The following ELP2 variants were observed in gnomAD, a reference collection of about 807,000 sequenced individuals.
ELP2 encodes the protein elongator complex protein 2.
ELP2 carries 90 observed loss-of-function variants against 119.2 expected under a neutral mutation model. The ratio of observed to expected loss-of-function variants is 0.75; its 90% confidence interval spans 0.64 to 0.90. ELP2 has a LOEUF of 0.90. Ranked by LOEUF, ELP2 falls within the 40% of genes least tolerant of loss-of-function variation. The probability of loss-of-function intolerance (pLI) is 0.00; values close to 1 mark genes in which losing one functional copy is unlikely to be tolerated. For synonymous variants in ELP2, 339 were observed against 331.0 expected, an observed-to-expected ratio of 1.02 and a Z score of -0.26; for missense variants, 921 against 967.8, an observed-to-expected ratio of 0.95 and a Z score of 0.64.
chr18:36,131,736 T>C (rs2089637811), intron 1 of ELP2, among the ~76,000 whole-genome samples: 1 of 152,220 alleles, frequency 6.6e-6, no homozygotes. Context: ...TTTGATGTAC[T>C]TAACACACTG....
intron 8 of ELP2, among the ~76,000 whole-genome samples, chr18:36,143,374 G>A (rs994223922): frequency 2.0e-5 from 3 of 150,392 alleles, no homozygotes; most frequent in East Asian, 1.9e-4. Context: ...TGCCCGCCTC[G>A]GCCTCCCAAA....
At position 36,144,994 on chromosome 18, in the gene ELP2, C is replaced by A. The variant is rs2090152294; in HGVS notation, c.852C>A (p.Asn284Lys). ...AGACAGTGCTAGCCGGTCATGAAAA[C>A]TGGGTAAATGCAGTTCACTGGCAAC... ...TLETVLAGHE[N>K]WVNAVHWQPV... The change falls in exon 9 of 22, where the codon AAC becomes AAA. Residue 284 changes from asparagine to lysine, a missense_variant. Asn to Lys is a moderately conservative substitution (Grantham distance 94). Transcript: ENST00000358232. 4 of 1,613,880 alleles carry A rather than the reference C, an allele frequency of 2.5e-6. No individual in the cohort carries two copies. Among genetic ancestry groups the A allele is most frequent in the African/African-American group, 1.3e-5 (1 of 74,930 alleles).
rs1231564556 is a variant in ELP2, at chr18:36,138,309, GT to G, written c.331del (p.Tyr111MetfsTer19). ...AVHLQGHEGP[V>X]YAVHAVYQRR... ...GCATCTTCAAGGCCATGAAGGACCT[GT>G]TTATGCGGTGCATGCTGTTTACCAG... On this transcript the variant is annotated frameshift_variant, in exon 4 of 22. Coordinates refer to ENST00000358232, the MANE Select transcript of ELP2 (RefSeq NM_018255.4). LOFTEE classifies it high-confidence loss of function. 6.2e-7 allele frequency: 1 copy of G among 1,614,122 alleles called. No homozygotes were observed. The highest frequency in any genetic ancestry group is 1.3e-5 in the African/African-American group (1 of 75,050).
At position 36,159,676 on chromosome 18, in the gene ELP2, G is replaced by A. The variant is rs866469146; in HGVS notation, c.1535-59G>A. On this transcript the variant is annotated intron_variant, in intron 14 of 21. Transcript: ENST00000358232. ...TTCTATGTGGTGGCCTTAATATTGA[G>A]ACAAGTGAAGGAGATATAAAAATAG... is the stretch of plus-strand genomic sequence containing the variant. 3.1e-4 allele frequency: 408 copies of A among 1,296,404 alleles called. 1 individual carries two copies. The Middle Eastern group carries it at 3.2e-3, about 10-fold the overall frequency. The allele number at this position is 1,296,404 out of a possible 1,614,324, so 80.3% of individuals were successfully genotyped here. A position where few individuals can be genotyped will look rare whatever the true frequency, so the allele number is the denominator to read the frequency against.
Position 36,160,056 on chromosome 18 carries a change from G to T in ELP2, c.1688+41G>T, listed in dbSNP as rs193156398. 16 of 1,599,728 alleles carry T rather than the reference G, an allele frequency of 1.0e-5. No homozygotes were observed. In the East Asian group the frequency reaches 3.6e-4, roughly 36 times the overall value. ...TTTAGCTCTTTGGTCTGATTCTGTC[G>T]TAACTTCTGACTTTTCCTCCCCACC... is the stretch of plus-strand genomic sequence containing the variant. On this transcript the variant is annotated intron_variant, in intron 16 of 21. Transcript: ENST00000358232.
At chr18:36,156,843 G>A (rs558758396) in intron 13 of ELP2, among the ~76,000 whole-genome samples, 189 bp downstream of exon 13, 2 of 152,290 alleles carry the variant, frequency 1.3e-5, no homozygotes, top group African/African-American at 4.8e-5. Context: ...TAGAAATTTT[G>A]TGTAGCAAAT....
chr18:36,160,438 A>G (rs1436661379), intron 16 of ELP2, among the ~76,000 whole-genome samples: 2 of 151,974 alleles, frequency 1.3e-5, no homozygotes, highest in Non-Finnish European at 1.5e-5. Context: ...TTAGCCAGGC[A>G]TGATGATGCA....
intron 11 of ELP2, among the ~76,000 whole-genome samples, chr18:36,149,961 A>T (rs985080515): frequency 1.4e-4 from 21 of 152,180 alleles, no homozygotes; most frequent in African/African-American, 5.1e-4. Context: ...TGAAGAAATG[A>T]TGGTCGGCCA....
chr18:36,133,463 T>C, intron 2 of ELP2, 147 bp downstream of exon 2: 1 of 699,504 alleles, frequency 1.4e-6, no homozygotes, highest in South Asian at 1.5e-5. Context: ...GTATTCCCAG[T>C]GAAATATCTG....
In ELP2 at chr18:36,138,415, A is replaced by C. The variant is rs879529052; in HGVS notation, c.434A>C (p.Lys145Thr). Residue 145 changes from lysine (K) to threonine (T), a missense_variant, in exon 4 of 22, where the codon AAG becomes ACG. Lys to Thr is a moderately conservative substitution (Grantham distance 78). Coordinates refer to ENST00000358232, the MANE Select transcript of ELP2 (RefSeq NM_018255.4). The stretch of plus-strand genomic sequence containing the variant: ...TCTGCTGTTCGACTCTGGTCTAAAA[A>C]GGGTCCAGAAGGTAGGTTTGGAGAC... ...ADSAVRLWSK[K>T]GPEVMCLQTL... 15 of 1,614,082 alleles carry C rather than the reference A, an allele frequency of 9.3e-6. No individual in the cohort carries two copies. The highest frequency in any genetic ancestry group is 1.2e-5 in the Non-Finnish European group (14 of 1,179,980).
At chr18:36,136,409 CT>C in intron 3 of ELP2, 32 bp downstream of exon 3, 2 of 1,534,414 alleles carry the variant, frequency 1.3e-6, no homozygotes, top group Non-Finnish European at 1.8e-6. Context: ...CAAGAAATGA[CT>C]TTTTTTGTTC....
At chr18:36,135,643 A>G (rs1173552682) in intron 2 of ELP2, among the ~76,000 whole-genome samples, 1 of 152,176 alleles carries the variant, frequency 6.6e-6, no homozygotes, top group Non-Finnish European at 1.5e-5. Context: ...TCTATTTTGA[A>G]GTGTGTCTCT....
intron 11 of ELP2, among the ~76,000 whole-genome samples, chr18:36,152,446 A>G (rs758205549): frequency 6.6e-6 from 1 of 152,182 alleles, no homozygotes; most frequent in Non-Finnish European, 1.5e-5. Context: ...TGGGGTGCCC[A>G]TGTAGAAGGA....
At chr18:36,158,164 C>G (rs1385802772) in intron 13 of ELP2, among the ~76,000 whole-genome samples, 5 of 152,094 alleles carry the variant, frequency 3.3e-5, no homozygotes, top group Non-Finnish European at 7.4e-5. Flanking sequence ...TCTTACTATT[C>G]ATGTTTGTGT....
At chr18:36,139,785 TTA>T (rs1204414768) in intron 5 of ELP2, 2 of 419,506 alleles carry the variant, frequency 4.8e-6, no homozygotes, top group East Asian at 7.1e-5. Flanking sequence ...TAATGATTTT[TTA>T]TCTTATTAAA....
At position 36,160,987 on chromosome 18, in the gene ELP2, C is replaced by T; in HGVS notation, c.1744C>T (p.Leu582Phe). 1 of 1,613,294 alleles carries T rather than the reference C, an allele frequency of 6.2e-7. No individual in the cohort carries two copies. The highest frequency in any genetic ancestry group is 1.3e-5 in the African/African-American group (1 of 74,992). Residue 582 changes from leucine to phenylalanine, a missense_variant, in exon 17 of 22, where the codon CTT (leucine) becomes TTT (phenylalanine). Transcript: ENST00000358232. ...TACTTGTAACAGTTCAAAGACTCTG[C>T]TTGCCTCAGCTTGTAAGGTAGGGAA... The part of the protein sequence containing the change: ...CVTCNSSKTL[L>F]ASACKAAKKE...
At chr18:36,138,068 T>G (rs566703475) in intron 3 of ELP2, 9 of 562,196 alleles carry the variant, frequency 1.6e-5, no homozygotes, top group East Asian at 3.1e-5. Flanking sequence ...TCAGAGTAGA[T>G]TCCTAGATAT....
chr18:36,144,082 G>A (rs954906164), intron 8 of ELP2, among the ~76,000 whole-genome samples: 2 of 151,916 alleles, frequency 1.3e-5, no homozygotes, highest in Non-Finnish European at 2.9e-5. Context: ...AGTGAACATT[G>A]TTCACCTAGG....
At chr18:36,167,049 T>C in intron 18 of ELP2, 52 bp from the exon 19 acceptor site, 2 of 1,549,896 alleles carry the variant, frequency 1.3e-6, no homozygotes, top group Non-Finnish European at 1.7e-6. Flanking sequence ...TCCTAACAGG[T>C]AAAAACCCAG....
Sources: gnomAD v4.1 joint callset for allele counts (sites outside exome capture counted in the v4.1 genomes callset) on GRCh38, gnomAD v4.1.1 for gene constraint, MANE v1.5 for transcripts, NCBI Gene and HGNC (gene_info 2026-07-23, HGNC 2026-07-21) for gene names.